The following ATP1B3 variants were observed in gnomAD, a reference collection of about 807,000 sequenced individuals.
ATP1B3 encodes ATPase Na+/K+ transporting subunit beta 3, also known as sodium/potassium-transporting ATPase subunit beta-3.
In ATP1B3, 10 loss-of-function variants were observed where a neutral mutation model predicts 30.2. The observed-to-expected ratio is 0.33, with a 90% confidence interval of 0.20 to 0.56. The LOEUF (loss-of-function observed/expected upper bound fraction) is 0.56. ATP1B3 is among the 20% of genes least tolerant of loss of function. The pLI is 0.90. For missense variants in ATP1B3, 238 were observed against 336.7 expected, an observed-to-expected ratio of 0.71 and a Z score of 2.29; for synonymous variants, 113 against 117.0, an observed-to-expected ratio of 0.97 and a Z score of 0.22.
At chr3:141,885,880 A>AACAC (rs146684460) in intron 1 of ATP1B3, among the ~76,000 whole-genome samples, 10,191 of 141,594 alleles carry the variant, frequency 0.072, 401 homozygotes, top group South Asian at 0.11. Flanking sequence ...GCTGCGTTAA[A>AACAC]ACACACACAC....
rs982101767 is a variant in ATP1B3, at chr3:141,907,080, A to G, written c.239-87A>G. 3.4e-5 allele frequency: 32 copies of G among 939,744 alleles called. No individual in the cohort carries two copies. In the African/African-American group the frequency reaches 5.0e-4, roughly 15 times the overall value. 58.2% of individuals were successfully genotyped at this position (939,744 alleles called of 1,614,324 possible). A position where few individuals can be genotyped will look rare whatever the true frequency, so the allele number is the denominator to read the frequency against. On this transcript the variant is annotated intron_variant, in intron 2 of 6. Coordinates refer to ENST00000286371, the MANE Select transcript of ATP1B3 (RefSeq NM_001679.4). ...ATACTGTCAACACAATTTTCCATGT[A>G]ATTTGCTGAGATCTGCTTTTTAGAG...
At chr3:141,919,642 A>G (rs1426546157) in intron 5 of ATP1B3, among the ~76,000 whole-genome samples, 1 of 152,136 alleles carries the variant, frequency 6.6e-6, no homozygotes, top group East Asian at 1.9e-4. Flanking sequence ...CTCATAGTTT[A>G]CAATATGATG....
intron 6 of ATP1B3, among the ~76,000 whole-genome samples, chr3:141,923,749 TC>T (rs1934607699): frequency 6.6e-6 from 1 of 152,240 alleles, no homozygotes; most frequent in Admixed American, 6.5e-5. Context: ...CAGGAATATT[TC>T]CTCAGTCTGT....
At chr3:141,886,173 C>T (rs186287246) in intron 1 of ATP1B3, among the ~76,000 whole-genome samples, 25 of 152,202 alleles carry the variant, frequency 1.6e-4, no homozygotes, top group East Asian at 7.7e-4. Flanking sequence ...TGTATGTGGG[C>T]GTGGAGCTGT....
intron 1 of ATP1B3, among the ~76,000 whole-genome samples, chr3:141,889,721 T>C (rs1577958649): frequency 2.1e-5 from 2 of 93,428 alleles, no homozygotes; most frequent in African/African-American, 8.7e-5. Flanking sequence ...AGAGCGAGAC[T>C]CCGTCTCAAA....
At chr3:141,901,195 C>T (rs958436629) in intron 1 of ATP1B3, among the ~76,000 whole-genome samples, 7 of 152,162 alleles carry the variant, frequency 4.6e-5, no homozygotes, top group Admixed American at 4.6e-4. Flanking sequence ...CTGTTTTCTG[C>T]TTACATCAAG....
At chr3:141,922,315 GGTA>G in intron 6 of ATP1B3, 1 of 307,646 alleles carries the variant, frequency 3.3e-6, no homozygotes, top group South Asian at 3.6e-5. Flanking sequence ...TCATTATAGA[GGTA>G]GTAGTAGGTG....
At chr3:141,908,096 C>G (rs1489874761) in intron 3 of ATP1B3, among the ~76,000 whole-genome samples, 2 of 67,920 alleles carry the variant, frequency 2.9e-5, no homozygotes, top group African/African-American at 1.2e-4. Context: ...TTTTATTATA[C>G]TTTAAGTTCT....
intron 2 of ATP1B3, 55 bp downstream of exon 2, chr3:141,903,803 C>CA: frequency 1.3e-6 from 2 of 1,572,100 alleles, no homozygotes; most frequent in Non-Finnish European, 1.7e-6. Context: ...TTTTTTGAGA[C>CA]AGAGTTTCAC....
intron 1 of ATP1B3, among the ~76,000 whole-genome samples, chr3:141,885,880 A>AACACACACACACACACAC (rs146684460): frequency 2.1e-5 from 3 of 141,636 alleles, no homozygotes; most frequent in Non-Finnish European, 3.1e-5. Flanking sequence ...GCTGCGTTAA[A>AACACACACACACACACAC]ACACACACAC....
chr3:141,884,506 G>A (rs780869068), intron 1 of ATP1B3, among the ~76,000 whole-genome samples: 1 of 152,210 alleles, frequency 6.6e-6, no homozygotes, highest in Non-Finnish European at 1.5e-5. Flanking sequence ...AGGATAGAAA[G>A]TATTGATCCT....
At chr3:141,915,546 T>A (rs1934445831) in intron 4 of ATP1B3, among the ~76,000 whole-genome samples, 1 of 152,190 alleles carries the variant, frequency 6.6e-6, no homozygotes, top group African/African-American at 2.4e-5. Flanking sequence ...AGTGGGGCCC[T>A]CATGGAAACA....
intron 3 of ATP1B3, among the ~76,000 whole-genome samples, chr3:141,908,812 C>G (rs1934307441): frequency 3.9e-5 from 6 of 152,226 alleles, no homozygotes; most frequent in Admixed American, 3.9e-4. Context: ...TTTCTTGCTT[C>G]AAGAGATAAT....
In ATP1B3 at chr3:141,925,651, C is replaced by T; in HGVS notation, c.790C>T (p.Arg264Cys). ...GSANLKSQDD[R>C]DKFLGRVMFK... The stretch of plus-strand genomic sequence containing the variant: ...AGCCAACCTAAAAAGTCAGGATGAT[C>T]GTGACAAGTTTTTGGGACGAGTTAT... Residue 264 changes from arginine to cysteine, a missense_variant, in exon 7 of 7, where the codon CGT (arginine) becomes TGT (cysteine). Transcript: ENST00000286371. The T allele has an allele frequency of 6.2e-7, 1 of 1,612,890 alleles. No homozygotes were observed.
chr3:141,911,530 T>C (rs1185689354), intron 3 of ATP1B3, among the ~76,000 whole-genome samples: 3 of 151,376 alleles, frequency 2.0e-5, no homozygotes, highest in African/African-American at 4.9e-5. Flanking sequence ...AGTCTTACTC[T>C]GTTGCCCAGG....
intron 2 of ATP1B3, 81 bp downstream of exon 2, chr3:141,903,829 T>A (rs1934213383): frequency 1.3e-6 from 2 of 1,492,984 alleles, no homozygotes; most frequent in African/African-American, 1.4e-5. Flanking sequence ...TTGCCCAGGC[T>A]GGAATGCAGT....
chr3:141,878,128 T>C (rs1173156451), intron 1 of ATP1B3, among the ~76,000 whole-genome samples: 1 of 152,134 alleles, frequency 6.6e-6, no homozygotes, highest in African/African-American at 2.4e-5. Flanking sequence ...ACCCCCACTT[T>C]AGAGATGAGA....
intron 1 of ATP1B3, among the ~76,000 whole-genome samples, chr3:141,898,842 A>G (rs1334862350): frequency 2.0e-5 from 3 of 152,252 alleles, no homozygotes; most frequent in Non-Finnish European, 2.9e-5. Flanking sequence ...CATGCACATC[A>G]TCTGATTAAT....
At chr3:141,897,217 C>G (rs6440047) in intron 1 of ATP1B3, among the ~76,000 whole-genome samples, 1 of 152,120 alleles carries the variant, frequency 6.6e-6, no homozygotes, top group Non-Finnish European at 1.5e-5. Flanking sequence ...GCTCCCTCCT[C>G]CTCTCCATCT....
Sources: allele counts gnomAD v4.1 joint callset (sites outside exome capture counted in the v4.1 genomes callset), GRCh38; gene constraint gnomAD v4.1.1; transcripts MANE v1.5; gene names NCBI Gene and HGNC (gene_info 2026-07-23, HGNC 2026-07-21).